The following CACNB4 variants were observed in gnomAD, a reference collection of about 807,000 sequenced individuals.
CACNB4 encodes voltage-dependent L-type calcium channel subunit beta-4.
Under a neutral mutation model 71.2 loss-of-function variants are expected in CACNB4, and 32 were observed. The observed-to-expected ratio is 0.45, with a 90% CI of 0.34 to 0.60. The LOEUF is 0.60. Ranked by LOEUF, CACNB4 falls within the 20% of genes least tolerant of loss-of-function variation. The pLI is 0.01. For missense variants in CACNB4, 464 were observed against 647.9 expected (o/e 0.72, Z 3.08); for synonymous variants, 231 against 236.9 (o/e 0.97, Z 0.23).
chr2:151,931,645 T>TG (rs1029829067), intron 2 of CACNB4, among the ~76,000 whole-genome samples: 15 of 152,178 alleles, frequency 9.9e-5, no homozygotes, highest in East Asian at 7.7e-4. Flanking sequence ...CAAGTGGCAA[T>TG]GGGGGGGTGA....
intron 2 of CACNB4, among the ~76,000 whole-genome samples, chr2:152,057,574 T>G (rs563470047): frequency 6.6e-6 from 1 of 152,314 alleles, no homozygotes; most frequent in Non-Finnish European, 1.5e-5. Context: ...ACATTTAGTC[T>G]GTAAGAATCC....
At chr2:151,909,266 A>G (rs188043788) in intron 2 of CACNB4, among the ~76,000 whole-genome samples, 2,418 of 150,996 alleles carry the variant, frequency 0.016, 54 homozygotes, top group African/African-American at 0.056. Context: ...CCCTGTCTCT[A>G]TTAAAAATAC....
At chr2:151,884,708 C>T (rs2099848899) in intron 2 of CACNB4, among the ~76,000 whole-genome samples, 1 of 151,618 alleles carries the variant, frequency 6.6e-6, no homozygotes, top group Non-Finnish European at 1.5e-5. Context: ...AAGTCAACCC[C>T]TTCCTTGCCT....
chr2:152,074,560 CACT>C (rs1160668627), intron 2 of CACNB4, among the ~76,000 whole-genome samples: 1 of 151,894 alleles, frequency 6.6e-6, no homozygotes, highest in African/African-American at 2.4e-5. Context: ...CAACCGTCAC[CACT>C]GTCACCACAG....
chr2:151,870,373 G>A, intron 8 of CACNB4, 158 bp downstream of exon 8: 1 of 711,302 alleles, frequency 1.4e-6, no homozygotes, highest in Middle Eastern at 2.3e-4. Flanking sequence ...AAGGGCAGAG[G>A]GCCTCATGAG....
At chr2:152,032,330 C>A (rs190809253) in intron 2 of CACNB4, among the ~76,000 whole-genome samples, 13 of 152,314 alleles carry the variant, frequency 8.5e-5, no homozygotes, top group Non-Finnish European at 1.0e-4. Context: ...TCCTGACTCT[C>A]AGTGTAACAT....
rs533755871 is a variant in CACNB4, at chr2:151,904,266, T to G, written c.148-20896A>C. ...TTTTACTAAAGATTCAAATCCTCAC[T>G]ATTTATCTGCTGAAATGGAGCCATT... On this transcript the variant is annotated intron_variant, in intron 2 of 13. Coordinates refer to ENST00000539935, the MANE Select transcript of CACNB4 (RefSeq NM_000726.5). Among the ~76,000 whole-genome samples the G allele has an allele frequency of 2.4e-4, 37 of 152,342 alleles. 1 individual carries two copies. In the South Asian group the frequency reaches 7.3e-3, roughly 30 times the overall value.
intron 2 of CACNB4, among the ~76,000 whole-genome samples, chr2:151,895,267 C>T (rs920512182): frequency 1.3e-5 from 2 of 152,060 alleles, no homozygotes; most frequent in East Asian, 3.9e-4. Flanking sequence ...ATGTTATCCA[C>T]GGAAGACATG....
At chr2:151,909,652 C>T (rs1402013045) in intron 2 of CACNB4, among the ~76,000 whole-genome samples, 1 of 151,986 alleles carries the variant, frequency 6.6e-6, no homozygotes, top group African/African-American at 2.4e-5. Flanking sequence ...TCAACTCCCA[C>T]TTGTGAGTGC....
intron 2 of CACNB4, among the ~76,000 whole-genome samples, chr2:152,012,774 A>C (rs1683133807): frequency 6.6e-6 from 1 of 152,080 alleles, no homozygotes; most frequent in Admixed American, 6.5e-5. Flanking sequence ...AGTTATACTA[A>C]GCTAAGGTTG....
chr2:152,029,609 G>A (rs1161941863), intron 2 of CACNB4, among the ~76,000 whole-genome samples: 1 of 152,052 alleles, frequency 6.6e-6, no homozygotes, highest in Non-Finnish European at 1.5e-5. Flanking sequence ...AGATTAGGAA[G>A]AGGGTCTGCT....
rs529899026 is a variant in CACNB4, at chr2:152,054,232, G to A, written c.147+44098C>T. ...AATACAAAAATTAGCCGGGCGTGGT[G>A]GCGCGCGCCTGTAGTCCCAGCTACA... On this transcript the variant is annotated intron_variant, in intron 2 of 13. Transcript: ENST00000539935. 5.3e-4 allele frequency among the ~76,000 whole-genome samples: 80 copies of A among 151,828 alleles called. 1 individual carries two copies. In the East Asian group the frequency reaches 0.012, roughly 23 times the overall value.
chr2:151,843,465 C>A (rs2099836757), intron 12 of CACNB4, among the ~76,000 whole-genome samples: 1 of 152,174 alleles, frequency 6.6e-6, no homozygotes, highest in South Asian at 2.1e-4. Context: ...CAGGCATGCA[C>A]CACTGTGCCT....
At chr2:151,895,792 T>C (rs1042429189) in intron 2 of CACNB4, among the ~76,000 whole-genome samples, 1 of 151,988 alleles carries the variant, frequency 6.6e-6, no homozygotes, top group African/African-American at 2.4e-5. Context: ...CTATTATTTA[T>C]TGAGCACTTA....
intron 2 of CACNB4, among the ~76,000 whole-genome samples, chr2:152,056,648 T>TTCA (rs937964213): frequency 1.3e-5 from 2 of 152,196 alleles, no homozygotes; most frequent in African/African-American, 4.8e-5. Flanking sequence ...TGGCATTTTC[T>TTCA]TCATAGTTCT....
chr2:152,057,401 G>A (rs1158529363), intron 2 of CACNB4, among the ~76,000 whole-genome samples: 1 of 152,152 alleles, frequency 6.6e-6, no homozygotes, highest in Non-Finnish European at 1.5e-5. Context: ...AAACAAATGT[G>A]TGTTATTCAT....
At chr2:151,870,957 T>C in intron 6 of CACNB4, 96 bp from the exon 7 acceptor site, 1 of 867,376 alleles carries the variant, frequency 1.2e-6, no homozygotes, top group South Asian at 1.7e-5. Context: ...CATTTGTCCC[T>C]GTAATTATCT....
intron 12 of CACNB4, chr2:151,851,548 A>G (rs878981899): frequency 6.6e-6 from 1 of 152,196 alleles, no homozygotes; most frequent in Non-Finnish European, 1.5e-5. Flanking sequence ...TACAGATGCA[A>G]ATATCTTTTC....
At chr2:151,901,240 C>T (rs979288072) in intron 2 of CACNB4, among the ~76,000 whole-genome samples, 5 of 151,900 alleles carry the variant, frequency 3.3e-5, no homozygotes, top group Non-Finnish European at 7.4e-5. Context: ...CCACCTCAGC[C>T]TTGCAGTGTT....
Sources: gnomAD v4.1 joint callset for allele counts (sites outside exome capture counted in the v4.1 genomes callset) on GRCh38, gnomAD v4.1.1 for gene constraint, MANE v1.5 for transcripts, NCBI Gene and HGNC (gene_info 2026-07-23, HGNC 2026-07-21) for gene names.